IRGM: variants seen among roughly 807,000 people sequenced by gnomAD.
The protein encoded by IRGM is immunity-related GTPase family M protein.
For synonymous variants in IRGM, 98 were observed against 80.6 expected (o/e 1.22, Z -1.16); for missense variants, 288 against 219.9 (o/e 1.31, Z -1.96).
intron 1 of IRGM, among the ~76,000 whole-genome samples, chr5:150,867,502 A>C (rs559204130): frequency 2.0e-5 from 3 of 152,262 alleles, no homozygotes; most frequent in Non-Finnish European, 4.4e-5. Context: ...ATTCAGTAGT[A>C]GGTTTATTGG....
At chr5:150,889,483 A>T (rs753264533) in intron 3 of IRGM, among the ~76,000 whole-genome samples, 89 of 152,190 alleles carry the variant, frequency 5.8e-4, no homozygotes, top group Non-Finnish European at 5.6e-4. Flanking sequence ...GGGAGCTACA[A>T]TTCACGATGA....
chr5:150,862,802 T>C (rs760334824), intron 1 of IRGM, among the ~76,000 whole-genome samples: 19 of 152,220 alleles, frequency 1.2e-4, no homozygotes, highest in East Asian at 7.7e-4. Context: ...GCTAGCAACA[T>C]TGGAGAGCAA....
chr5:150,895,480 T>A (rs1754722431), intron 3 of IRGM: 2 of 1,612,938 alleles, frequency 1.2e-6, no homozygotes, highest in Non-Finnish European at 1.7e-6. Flanking sequence ...GACTTCTGGA[T>A]GAAGGCCTTC....
intron 1 of IRGM, among the ~76,000 whole-genome samples, chr5:150,872,966 T>C (rs1003742478): frequency 1.3e-5 from 2 of 152,230 alleles, no homozygotes; most frequent in African/African-American, 4.8e-5. Flanking sequence ...GTGATTGCTC[T>C]TCTCTGTATG....
intron 3 of IRGM, among the ~76,000 whole-genome samples, chr5:150,885,300 C>T (rs752212074): frequency 1.3e-5 from 2 of 151,890 alleles, no homozygotes; most frequent in African/African-American, 2.4e-5. Flanking sequence ...TAGTACCAAG[C>T]CATTTTGGTT....
chr5:150,874,816 T>C (rs11955172), intron 1 of IRGM, among the ~76,000 whole-genome samples: 30,823 of 152,020 alleles, frequency 0.2, 4,929 homozygotes, highest in East Asian at 0.43. Flanking sequence ...GGAGCAAGGC[T>C]CTGCTATCTT....
chr5:150,861,752 C>A (rs999098649), intron 1 of IRGM, among the ~76,000 whole-genome samples: 4 of 152,002 alleles, frequency 2.6e-5, no homozygotes, highest in Non-Finnish European at 5.9e-5. Flanking sequence ...TGGATGCATC[C>A]TTTAAGGAGG....
intron 3 of IRGM, among the ~76,000 whole-genome samples, chr5:150,882,907 G>A (rs1754466513): frequency 6.6e-6 from 1 of 152,048 alleles, no homozygotes; most frequent in Admixed American, 6.6e-5. Flanking sequence ...TCCAAAAGCA[G>A]CATAATATAC....
At chr5:150,882,853 A>G (rs982520479) in intron 3 of IRGM, among the ~76,000 whole-genome samples, 4 of 152,292 alleles carry the variant, frequency 2.6e-5, no homozygotes, top group African/African-American at 9.6e-5. Context: ...CTTAAACTAC[A>G]CTTTAGACCA....
chr5:150,895,289 A>G (rs948070104), intron 3 of IRGM: 14 of 600,274 alleles, frequency 2.3e-5, no homozygotes, highest in Non-Finnish European at 3.0e-5. Context: ...AAAGTTAGGC[A>G]TCACCAAACT....
At chr5:150,880,131 T>C (rs1450413095) in intron 3 of IRGM, among the ~76,000 whole-genome samples, 2 of 152,242 alleles carry the variant, frequency 1.3e-5, no homozygotes, top group Non-Finnish European at 2.9e-5. Flanking sequence ...TTTGTATGAC[T>C]TCACTGTCAT....
chr5:150,870,276 T>G (rs1754264585), intron 1 of IRGM, among the ~76,000 whole-genome samples: 1 of 152,178 alleles, frequency 6.6e-6, no homozygotes, highest in African/African-American at 2.4e-5. Flanking sequence ...CTAAATTAAC[T>G]GAGACCTGTC....
chr5:150,892,220 T>C (rs1236899453), intron 3 of IRGM, among the ~76,000 whole-genome samples: 1 of 144,112 alleles, frequency 6.9e-6, no homozygotes, highest in African/African-American at 2.7e-5. Context: ...TTTTTTTTTT[T>C]CAATATTGAA....
chr5:150,896,657 T>C (rs752022998), intron 3 of IRGM: 2 of 1,613,546 alleles, frequency 1.2e-6, no homozygotes, highest in Non-Finnish European at 1.7e-6. Flanking sequence ...TATTTGGTTT[T>C]AAGTTCTTTT....
At chr5:150,854,699 C>T (rs1024615897) in intron 1 of IRGM, among the ~76,000 whole-genome samples, 1 of 152,098 alleles carries the variant, frequency 6.6e-6, no homozygotes, top group African/African-American at 2.4e-5. Context: ...TTGAGAATAG[C>T]TTGTATATGA....
At chr5:150,857,021 G>A (rs1305829720) in intron 1 of IRGM, among the ~76,000 whole-genome samples, 2 of 151,696 alleles carry the variant, frequency 1.3e-5, no homozygotes, top group Non-Finnish European at 2.9e-5. Context: ...ATGTTGGTGT[G>A]CTGCACCCAT....
chr5:150,872,194 T>C (rs893932938), intron 1 of IRGM, among the ~76,000 whole-genome samples: 6 of 152,252 alleles, frequency 3.9e-5, no homozygotes, highest in Non-Finnish European at 5.9e-5. Context: ...ATAATATAGT[T>C]ATTTCTATCA....
intron 1 of IRGM, among the ~76,000 whole-genome samples, chr5:150,870,125 T>C (rs1045806193): frequency 1.3e-5 from 2 of 152,172 alleles, no homozygotes; most frequent in African/African-American, 2.4e-5. Context: ...TATACTTACA[T>C]TGGTGCAAAA....
At chr5:150,899,842 T>C (rs989136736) in intron 3 of IRGM, among the ~76,000 whole-genome samples, 14 of 152,104 alleles carry the variant, frequency 9.2e-5, no homozygotes, top group South Asian at 2.1e-4. Context: ...TCAGACTTTT[T>C]CCCCAAATAT....
Sources: allele counts gnomAD v4.1 joint callset (sites outside exome capture counted in the v4.1 genomes callset), GRCh38; gene constraint gnomAD v4.1.1; transcripts MANE v1.5; gene names NCBI Gene and HGNC (gene_info 2026-07-23, HGNC 2026-07-21).